NEDD4L: variants seen among roughly 807,000 people sequenced by gnomAD.
NEDD4L encodes E3 ubiquitin-protein ligase NEDD4-like.
NEDD4L carries 54 observed loss-of-function variants against 148.9 expected under a neutral mutation model. That is an observed-to-expected ratio of 0.36 (90% confidence interval 0.29 to 0.45). The LOEUF is 0.45. Among genes scored for constraint, NEDD4L ranks in the 20% least tolerant of loss-of-function variants. The probability of loss-of-function intolerance (pLI) is 1.00; values close to 1 mark genes in which losing one functional copy is unlikely to be tolerated. For synonymous variants in NEDD4L, 433 were observed against 440.7 expected (o/e 0.98, Z 0.22); for missense variants, 856 against 1,233.8 (o/e 0.69, Z 4.59).
intron 1 of NEDD4L, among the ~76,000 whole-genome samples, chr18:58,106,493 G>A (rs2085077212): frequency 6.6e-6 from 1 of 152,122 alleles, no homozygotes; most frequent in South Asian, 2.1e-4. Flanking sequence ...CCCTGCAGTG[G>A]TCAAAAGGCT....
chr18:58,175,159 T>C (rs2037978030), intron 2 of NEDD4L, among the ~76,000 whole-genome samples: 1 of 152,212 alleles, frequency 6.6e-6, no homozygotes, highest in Non-Finnish European at 1.5e-5. Context: ...GGAGATCCCA[T>C]ATTATAATAC....
chr18:58,179,570 T>C (rs1175239375), intron 2 of NEDD4L, among the ~76,000 whole-genome samples: 5 of 152,160 alleles, frequency 3.3e-5, no homozygotes, highest in Non-Finnish European at 7.4e-5. Flanking sequence ...TATTTACAGC[T>C]GCTCCCCATC....
intron 2 of NEDD4L, among the ~76,000 whole-genome samples, chr18:58,184,517 G>A (rs2039225331): frequency 6.6e-6 from 1 of 152,152 alleles, no homozygotes; most frequent in African/African-American, 2.4e-5. Flanking sequence ...CATCCCTGGA[G>A]TGGTGGCTTG....
At chr18:58,140,714 T>G (rs1356654438) in intron 1 of NEDD4L, among the ~76,000 whole-genome samples, 1 of 152,236 alleles carries the variant, frequency 6.6e-6, no homozygotes, top group Non-Finnish European at 1.5e-5. Flanking sequence ...AGGAGTGCCT[T>G]TCTGGTGTCA....
chr18:58,259,008 T>G (rs922371215), intron 5 of NEDD4L, among the ~76,000 whole-genome samples: 2 of 152,202 alleles, frequency 1.3e-5, no homozygotes, highest in African/African-American at 4.8e-5. Flanking sequence ...CATGAAAAAT[T>G]AGCTAGAATC....
chr18:58,169,331 C>G (rs2037271960), intron 2 of NEDD4L, among the ~76,000 whole-genome samples: 1 of 152,180 alleles, frequency 6.6e-6, no homozygotes, highest in African/African-American at 2.4e-5. Flanking sequence ...AAAGATGCTT[C>G]CCTTTGGATC....
At chr18:58,096,371 AT>A (rs1423285605) in intron 1 of NEDD4L, among the ~76,000 whole-genome samples, 3,927 of 137,306 alleles carry the variant, frequency 0.029, 281 homozygotes, top group African/African-American at 0.11. Context: ...ATTTTATTTT[AT>A]TTTATTTTAT....
Position 58,362,243 on chromosome 18 carries a change from G to A in NEDD4L, c.1768-2025G>A, listed in dbSNP as rs2045586871. 2.0e-5 allele frequency among the ~76,000 whole-genome samples: 3 copies of A among 152,352 alleles called. No homozygotes were observed. The South Asian group carries it at 6.2e-4, about 32-fold the overall frequency. On this transcript the variant is annotated intron_variant, in intron 19 of 30. Transcript: ENST00000400345. Reference sequence around the variant, plus strand: ...TTTGTCATTTAAGACAGTCGAACTTGCATACACAGTGATGACTGTTTAAGC... The same window carrying A: ...TTTGTCATTTAAGACAGTCGAACTTACATACACAGTGATGACTGTTTAAGC...
intron 5 of NEDD4L, among the ~76,000 whole-genome samples, chr18:58,289,554 A>G (rs1159025657): frequency 6.6e-6 from 1 of 152,244 alleles, no homozygotes; most frequent in African/African-American, 2.4e-5. Context: ...GCCTGCAGCA[A>G]GCATGCCTCT....
chr18:58,115,247 T>TC (rs1226788417), intron 1 of NEDD4L, among the ~76,000 whole-genome samples: 1 of 145,860 alleles, frequency 6.9e-6, no homozygotes, highest in Non-Finnish European at 1.5e-5. Flanking sequence ...CTTTCTTTCT[T>TC]TTTTTTTTTT....
intron 2 of NEDD4L, among the ~76,000 whole-genome samples, chr18:58,203,370 A>G (rs1323608209): frequency 6.6e-6 from 1 of 152,226 alleles, no homozygotes; most frequent in Non-Finnish European, 1.5e-5. Context: ...AAGTAGTGAA[A>G]CCACTGTCAT....
Position 58,153,387 on chromosome 18 carries a change from T to G in NEDD4L, c.49-12401T>G, listed in dbSNP as rs1004719469. On this transcript the variant is annotated intron_variant, in intron 1 of 30. Transcript: ENST00000400345. ...CAGAGTCTTGCCCTGTGGTCCAGGC[T>G]AGAGTGCAGTGGCACAATCTTGGCT... Among the ~76,000 whole-genome samples, 13 of 149,696 alleles carry G rather than the reference T, an allele frequency of 8.7e-5. No individual in the cohort carries two copies. The East Asian group carries it at 2.4e-3, about 28-fold the overall frequency.
chr18:58,087,836 T>G (rs559781214), intron 1 of NEDD4L, among the ~76,000 whole-genome samples: 43 of 152,282 alleles, frequency 2.8e-4, no homozygotes, highest in Admixed American at 5.9e-4. Context: ...ATCGCACCAT[T>G]GCACTCCAGC....
intron 3 of NEDD4L, chr18:58,247,181 T>A (rs1035553894): frequency 6.6e-6 from 1 of 152,172 alleles, no homozygotes; most frequent in African/African-American, 2.4e-5. Context: ...CTGGACAGCA[T>A]GAGTGCTTTA....
At chr18:58,111,261 T>C (rs1030729992) in intron 1 of NEDD4L, among the ~76,000 whole-genome samples, 1 of 152,042 alleles carries the variant, frequency 6.6e-6, no homozygotes, top group Non-Finnish European at 1.5e-5. Flanking sequence ...AGAGACAGGG[T>C]TTCATCATAT....
chr18:58,055,304 A>G (rs1304436850), intron 1 of NEDD4L, among the ~76,000 whole-genome samples: 8 of 152,202 alleles, frequency 5.3e-5, no homozygotes, highest in African/African-American at 1.4e-4. Flanking sequence ...AAAACAAGAA[A>G]AAAGAAAAAC....
At chr18:58,209,782 A>C (rs967271350) in intron 2 of NEDD4L, among the ~76,000 whole-genome samples, 5 of 152,130 alleles carry the variant, frequency 3.3e-5, no homozygotes, top group Admixed American at 3.3e-4. Context: ...ATGTAAATCC[A>C]ATAGCTGGTT....
chr18:58,167,675 A>G (rs2037032845), intron 2 of NEDD4L, among the ~76,000 whole-genome samples: 1 of 152,168 alleles, frequency 6.6e-6, no homozygotes, highest in African/African-American at 2.4e-5. Context: ...ACATCTTTTT[A>G]ATATCTTTCT....
chr18:58,101,578 C>T (rs1249403655), intron 1 of NEDD4L, among the ~76,000 whole-genome samples: 2 of 152,228 alleles, frequency 1.3e-5, no homozygotes, highest in South Asian at 4.2e-4. Context: ...GACTGTTGCT[C>T]ATTGCACTGG....
Sources: allele counts gnomAD v4.1 joint callset (sites outside exome capture counted in the v4.1 genomes callset), GRCh38; gene constraint gnomAD v4.1.1; transcripts MANE v1.5; gene names NCBI Gene and HGNC (gene_info 2026-07-23, HGNC 2026-07-21).